Variants in TMEM74 observed in about 807,000 individuals in gnomAD.
TMEM74 encodes the protein transmembrane protein 74.
Under a neutral mutation model 18.1 loss-of-function variants are expected in TMEM74, and 13 were observed. The ratio of observed to expected loss-of-function variants is 0.72; its 90% CI spans 0.47 to 1.14. The LOEUF is 1.14. Among genes scored for constraint, TMEM74 ranks in the 50% most tolerant of loss-of-function variants. The probability of loss-of-function intolerance (pLI) is 0.00; values close to 1 mark genes in which losing one functional copy is unlikely to be tolerated. For synonymous variants in TMEM74, 159 were observed against 146.6 expected, an observed-to-expected ratio of 1.08 and a Z score of -0.61; for missense variants, 372 against 375.9, an observed-to-expected ratio of 0.99 and a Z score of 0.09.
chr8:108,702,762 C>T (rs937776743), intron 1 of TMEM74, among the ~76,000 whole-genome samples: 1 of 136,518 alleles, frequency 7.3e-6, no homozygotes, highest in Non-Finnish European at 1.6e-5. Context: ...CTCCCCCCAC[C>T]TCACAACTTA....
At chr8:108,723,042 TG>T (rs1280115389) in intron 1 of TMEM74, among the ~76,000 whole-genome samples, 1 of 152,198 alleles carries the variant, frequency 6.6e-6, no homozygotes, top group African/African-American at 2.4e-5. Flanking sequence ...CTTACAGGGC[TG>T]AGCACACACG....
chr8:108,657,859 A>T (rs866297377), intron 1 of TMEM74, among the ~76,000 whole-genome samples: 2,593 of 48,786 alleles, frequency 0.053, 153 homozygotes, highest in East Asian at 0.14. Context: ...AAAAAAAAAA[A>T]ATATATATAT....
rs189100985 is a variant in TMEM74 at position 108,636,035 on chromosome 8, C to A, written n.264+19258G>T. Among the ~76,000 whole-genome samples the A allele has an allele frequency of 4.4e-3, 665 of 152,042 alleles. 1 individual carries two copies. The highest frequency in any genetic ancestry group is 6.8e-3 in the Non-Finnish European group (465 of 67,954). On this transcript the variant is annotated intron_variant and non_coding_transcript_variant, in intron 2 of 3. Coordinates refer to the TMEM74 transcript ENST00000518838. ...CCTTTCATATACATTATCTTTAAAC[C>A]AGAAAGTCCGGTAGACATTTAATTA...
chr8:108,666,554 TG>T (rs2130585843), intron 1 of TMEM74, among the ~76,000 whole-genome samples: 1 of 152,300 alleles, frequency 6.6e-6, no homozygotes, highest in East Asian at 1.9e-4. Context: ...GACTTTCTTT[TG>T]CTCGTGTAAT....
At chr8:108,737,526 T>G (rs578096039) in intron 1 of TMEM74, among the ~76,000 whole-genome samples, 1 of 152,252 alleles carries the variant, frequency 6.6e-6, no homozygotes, top group African/African-American at 2.4e-5. Context: ...TATTAAAATA[T>G]TAAAATTCAT....
intron 1 of TMEM74, among the ~76,000 whole-genome samples, chr8:108,744,035 G>A (rs1563540350): frequency 6.6e-6 from 1 of 151,920 alleles, no homozygotes; most frequent in Non-Finnish European, 1.5e-5. Context: ...GGTGGGCAAT[G>A]TTTAGTGCAC....
intron 1 of TMEM74, among the ~76,000 whole-genome samples, chr8:108,726,591 A>G (rs1813640591): frequency 6.6e-6 from 1 of 152,180 alleles, no homozygotes; most frequent in Non-Finnish European, 1.5e-5. Flanking sequence ...TGGGAGATTC[A>G]CGAATCTTAT....
intron 1 of TMEM74, among the ~76,000 whole-genome samples, chr8:108,755,756 C>CA (rs1813953299): frequency 1.3e-5 from 2 of 151,800 alleles, no homozygotes; most frequent in South Asian, 2.1e-4. Flanking sequence ...GAGATACATG[C>CA]AAAAACGTAC....
chr8:108,684,433 C>T (rs1283696971), intron 1 of TMEM74, among the ~76,000 whole-genome samples: 1 of 151,116 alleles, frequency 6.6e-6, no homozygotes, highest in East Asian at 1.9e-4. Flanking sequence ...ATTTTTTGCC[C>T]ATTTTTTTTT....
At chr8:108,735,088 C>T (rs1414411848) in intron 1 of TMEM74, among the ~76,000 whole-genome samples, 1 of 152,150 alleles carries the variant, frequency 6.6e-6, no homozygotes. Flanking sequence ...GTAGCTGTCT[C>T]ATTCAATATC....
At chr8:108,614,898 T>A (rs1267274127) in intron 2 of TMEM74, among the ~76,000 whole-genome samples, 2 of 152,242 alleles carry the variant, frequency 1.3e-5, no homozygotes, top group Non-Finnish European at 2.9e-5. Flanking sequence ...TAGTATAATG[T>A]AATTAAATTT....
intron 2 of TMEM74, among the ~76,000 whole-genome samples, chr8:108,614,321 T>C (rs1812362677): frequency 6.6e-6 from 1 of 152,162 alleles, no homozygotes; most frequent in Non-Finnish European, 1.5e-5. Flanking sequence ...TATTTTCTTC[T>C]TATATCCCTT....
At chr8:108,736,104 C>T (rs1440409647) in intron 1 of TMEM74, among the ~76,000 whole-genome samples, 1 of 152,014 alleles carries the variant, frequency 6.6e-6, no homozygotes. Flanking sequence ...TTTCTAACCT[C>T]AGCTGGACTT....
In TMEM74 at chr8:108,758,484, C is replaced by T. The variant is rs1397722893; in HGVS notation, n.119+28992G>A. Among the ~76,000 whole-genome samples the T allele has an allele frequency of 5.9e-5, 9 of 152,120 alleles. 1 individual carries two copies. The highest frequency in any genetic ancestry group is 4.6e-4 in the Admixed American group (7 of 15,256). ...AAATGTATAAAAAGATGTGCAATCA[C>T]GTTAGTAATGGAGGAAAAGCAAATT... On this transcript the variant is annotated intron_variant and non_coding_transcript_variant, in intron 1 of 3. Transcript: ENST00000518838.
chr8:108,630,351 G>A (rs1023544821), intron 2 of TMEM74, among the ~76,000 whole-genome samples: 2 of 152,006 alleles, frequency 1.3e-5, no homozygotes, highest in Admixed American at 6.5e-5. Context: ...GATCTACAAA[G>A]AGACTTAGAC....
chr8:108,653,767 A>G (rs1812796473), intron 2 of TMEM74, among the ~76,000 whole-genome samples: 1 of 152,192 alleles, frequency 6.6e-6, no homozygotes, highest in South Asian at 2.1e-4. Flanking sequence ...AAGTATAACA[A>G]TAGATACATC....
intron 2 of TMEM74, among the ~76,000 whole-genome samples, chr8:108,636,162 G>A (rs1316889262): frequency 1.3e-5 from 2 of 152,028 alleles, no homozygotes; most frequent in Admixed American, 1.3e-4. Context: ...GTGAATATAT[G>A]CTGAATAGAA....
chr8:108,726,771 A>G (rs937292752), intron 1 of TMEM74, among the ~76,000 whole-genome samples: 18 of 152,124 alleles, frequency 1.2e-4, no homozygotes, highest in Non-Finnish European at 2.4e-4. Context: ...ATGTCCTTGT[A>G]GGGCTTACAT....
At chr8:108,747,460 C>T (rs1178059515) in intron 1 of TMEM74, among the ~76,000 whole-genome samples, 2 of 152,070 alleles carry the variant, frequency 1.3e-5, no homozygotes, top group Non-Finnish European at 2.9e-5. Context: ...AAGAGTATCA[C>T]AGAGAAGTAT....
Sources: allele counts gnomAD v4.1 joint callset (sites outside exome capture counted in the v4.1 genomes callset), GRCh38; gene constraint gnomAD v4.1.1; transcripts MANE v1.5; gene names NCBI Gene and HGNC (gene_info 2026-07-23, HGNC 2026-07-21).